The following SCFD2 variants were observed in gnomAD, a reference collection of about 807,000 sequenced individuals.
The protein encoded by SCFD2 is sec1 family domain containing 2.
A neutral mutation model predicts 58.9 loss-of-function variants in SCFD2; 54 were observed. That is an observed-to-expected ratio of 0.92 (90% CI 0.74 to 1.15). The LOEUF (loss-of-function observed/expected upper bound fraction) is 1.15. Among genes scored for constraint, SCFD2 ranks in the 50% most tolerant of loss-of-function variants. The pLI is 0.00. For missense variants in SCFD2, 805 were observed against 836.6 expected (o/e 0.96, Z 0.47); for synonymous variants, 321 against 335.9 (o/e 0.96, Z 0.49).
At chr4:53,060,025 C>T (rs899633401) in intron 5 of SCFD2, among the ~76,000 whole-genome samples, 29 of 152,026 alleles carry the variant, frequency 1.9e-4, no homozygotes, top group African/African-American at 7.0e-4. Context: ...GCTCATTGGT[C>T]CAACTTTCTC....
chr4:53,178,258 C>A lies in SCFD2; in HGVS notation c.1312-32676G>T, dbSNP rs181476733. Among the ~76,000 whole-genome samples, 15 of 152,272 alleles carry A rather than the reference C, an allele frequency of 9.9e-5. No homozygotes were observed. In the East Asian group the frequency reaches 2.9e-3, roughly 29 times the overall value. On this transcript the variant is annotated intron_variant, in intron 4 of 8. Transcript: ENST00000401642. The stretch of plus-strand genomic sequence containing the variant: ...ACTGGGAGGCACCCCTCAGTAGGGG[C>A]AGACTGACACCTCACACAGCCGGGT...
At position 53,082,065 on chromosome 4, in the gene SCFD2, G is replaced by A. The variant is rs538156344; in HGVS notation, c.1561+63268C>T. Among the ~76,000 whole-genome samples, 468 of 152,220 alleles carry A rather than the reference G, an allele frequency of 3.1e-3. 1 individual carries two copies. The highest frequency in any genetic ancestry group is 0.01 in the African/African-American group (434 of 41,540). ...CTATTTTCATAACTGAATATTGTAT[G>A]GATATAACACATTTTGTTAAACCAT... On this transcript the variant is annotated intron_variant, in intron 5 of 8. Coordinates refer to ENST00000401642, the MANE Select transcript of SCFD2 (RefSeq NM_152540.4).
intron 4 of SCFD2, among the ~76,000 whole-genome samples, chr4:53,200,116 G>A (rs750397936): frequency 6.6e-6 from 1 of 152,048 alleles, no homozygotes; most frequent in Non-Finnish European, 1.5e-5. Flanking sequence ...AATCACATTG[G>A]AGGTTAGGAC....
chr4:52,903,105 T>C (rs899718273), intron 7 of SCFD2, among the ~76,000 whole-genome samples: 5 of 152,200 alleles, frequency 3.3e-5, no homozygotes, highest in Admixed American at 1.3e-4. Flanking sequence ...AATTTCTCAG[T>C]CTACAAAATA....
intron 5 of SCFD2, among the ~76,000 whole-genome samples, chr4:52,926,842 A>T (rs1249858143): frequency 1.3e-5 from 2 of 151,714 alleles, no homozygotes; most frequent in African/African-American, 2.4e-5. Flanking sequence ...GGGGGTCATG[A>T]CCTCCCCCAT....
chr4:52,947,105 T>G (rs1577850079), intron 5 of SCFD2, among the ~76,000 whole-genome samples: 1 of 152,266 alleles, frequency 6.6e-6, no homozygotes, highest in East Asian at 1.9e-4. Flanking sequence ...CCTAATTACA[T>G]ATATTTGATC....
At chr4:53,297,409 T>C (rs1427731219) in intron 3 of SCFD2, among the ~76,000 whole-genome samples, 1 of 152,210 alleles carries the variant, frequency 6.6e-6, no homozygotes, top group African/African-American at 2.4e-5. Context: ...TTCGTCTCTT[T>C]TGATCATTCT....
intron 5 of SCFD2, among the ~76,000 whole-genome samples, chr4:52,971,958 G>A (rs1478333562): frequency 6.6e-6 from 1 of 152,130 alleles, no homozygotes; most frequent in Admixed American, 6.6e-5. Flanking sequence ...TTATAGACAA[G>A]CAAATGCTGA....
chr4:52,962,995 T>C (rs1366179218), intron 5 of SCFD2, among the ~76,000 whole-genome samples: 3 of 152,192 alleles, frequency 2.0e-5, no homozygotes, highest in Non-Finnish European at 1.5e-5. Context: ...GCCTCACAAA[T>C]CCACACAAAA....
At chr4:53,254,642 C>T (rs1181441674) in intron 4 of SCFD2, among the ~76,000 whole-genome samples, 1 of 150,888 alleles carries the variant, frequency 6.6e-6, no homozygotes, top group East Asian at 2.0e-4. Flanking sequence ...CCTGGCCGAC[C>T]CATGTCATTT....
intron 4 of SCFD2, among the ~76,000 whole-genome samples, chr4:53,261,790 T>C (rs548641648): frequency 1.3e-3 from 196 of 152,334 alleles, no homozygotes; most frequent in African/African-American, 4.4e-3. Flanking sequence ...CTTTCTGTCT[T>C]GATGACCTGT....
At chr4:52,961,791 A>G (rs1323748109) in intron 5 of SCFD2, among the ~76,000 whole-genome samples, 1 of 152,238 alleles carries the variant, frequency 6.6e-6, no homozygotes, top group Admixed American at 6.5e-5. Context: ...CTCTTAGGTT[A>G]CTTTCAGCCT....
rs1268398048 is a variant in SCFD2 at position 53,227,217 on chromosome 4, A to T, written c.1311+46609T>A. Among the ~76,000 whole-genome samples the T allele has an allele frequency of 3.3e-5, 5 of 152,300 alleles. No individual in the cohort carries two copies. The South Asian group carries it at 6.2e-4, about 19-fold the overall frequency. The stretch of plus-strand genomic sequence containing the variant: ...TTTCTATAAAAGGACACCAATTATA[A>T]TTTCAGCCATAGAAAGGTGACAAAA... On this transcript the variant is annotated intron_variant, in intron 4 of 8. Coordinates refer to ENST00000401642, the MANE Select transcript of SCFD2 (RefSeq NM_152540.4).
At chr4:53,058,746 T>C (rs1723420785) in intron 5 of SCFD2, among the ~76,000 whole-genome samples, 1 of 152,140 alleles carries the variant, frequency 6.6e-6, no homozygotes, top group African/African-American at 2.4e-5. Flanking sequence ...TAAGACACAA[T>C]GGTTGAGAAC....
chr4:53,204,089 G>T (rs2148971097), intron 4 of SCFD2, among the ~76,000 whole-genome samples: 1 of 152,104 alleles, frequency 6.6e-6, no homozygotes, highest in Admixed American at 6.5e-5. Flanking sequence ...CAAGAAGAAA[G>T]ATCTAATACT....
chr4:52,947,824 T>A (rs944578177), intron 5 of SCFD2, among the ~76,000 whole-genome samples: 11 of 151,170 alleles, frequency 7.3e-5, no homozygotes, highest in Admixed American at 4.6e-4. Flanking sequence ...AATTGAAAGA[T>A]ACCATGAACA....
chr4:52,931,707 T>G (rs1381851187), intron 5 of SCFD2, among the ~76,000 whole-genome samples: 2 of 152,206 alleles, frequency 1.3e-5, no homozygotes, highest in Non-Finnish European at 2.9e-5. Context: ...CAGTGTATAG[T>G]TTCAGAATGA....
intron 4 of SCFD2, among the ~76,000 whole-genome samples, chr4:53,232,458 G>C (rs961305152): frequency 1.3e-5 from 2 of 152,086 alleles, no homozygotes; most frequent in African/African-American, 4.8e-5. Flanking sequence ...AAAAAAACAA[G>C]ACTAGTATTC....
intron 7 of SCFD2, among the ~76,000 whole-genome samples, chr4:52,905,086 T>C (rs1018922987): frequency 2.0e-5 from 3 of 152,152 alleles, no homozygotes; most frequent in Admixed American, 6.5e-5. Context: ...TAAGAGGTGA[T>C]GGAAAACAAC....
Sources: gnomAD v4.1 joint callset for allele counts (sites outside exome capture counted in the v4.1 genomes callset) on GRCh38, gnomAD v4.1.1 for gene constraint, MANE v1.5 for transcripts, NCBI Gene and HGNC (gene_info 2026-07-23, HGNC 2026-07-21) for gene names.